OXR1: variants seen among roughly 807,000 people sequenced by gnomAD.
The protein encoded by OXR1 is oxidation resistance protein 1.
Under a neutral mutation model 104.6 loss-of-function variants are expected in OXR1, and 41 were observed. That is an observed-to-expected ratio of 0.39 (90% CI 0.31 to 0.51). The LOEUF is 0.51. Among genes scored for constraint, OXR1 ranks in the 20% least tolerant of loss-of-function variants. The pLI is 0.77. For missense variants in OXR1, 955 were observed against 1,031.9 expected, an observed-to-expected ratio of 0.93 and a Z score of 1.02; for synonymous variants, 348 against 348.4, an observed-to-expected ratio of 1.00 and a Z score of 0.01.
intron 6 of OXR1, among the ~76,000 whole-genome samples, chr8:106,690,045 A>G (rs1240126317): frequency 6.6e-6 from 1 of 150,914 alleles, no homozygotes. Flanking sequence ...AAAGACACTA[A>G]TATCTATCAT....
chr8:106,342,562 T>C (rs1281684452), intron 1 of OXR1, among the ~76,000 whole-genome samples: 1 of 152,024 alleles, frequency 6.6e-6, no homozygotes, highest in Non-Finnish European at 1.5e-5. Context: ...GCCTCTCTTT[T>C]CATCTTTTAT....
At chr8:106,366,478 A>G (rs1816473717) in intron 2 of OXR1, among the ~76,000 whole-genome samples, 1 of 152,228 alleles carries the variant, frequency 6.6e-6, no homozygotes, top group Middle Eastern at 3.2e-3. Flanking sequence ...AGGCTAAGAG[A>G]TGTTACTTTC....
intron 1 of OXR1, among the ~76,000 whole-genome samples, chr8:106,346,663 A>C (rs1397327034): frequency 6.6e-6 from 1 of 151,740 alleles, no homozygotes; most frequent in Non-Finnish European, 1.5e-5. Flanking sequence ...TGGCAACATC[A>C]TTTCTCCAAG....
rs574650230 is a variant in OXR1 at position 106,431,546 on chromosome 8, G to T, written c.23+71910G>T. The stretch of plus-strand genomic sequence containing the variant: ...GAATTTAAAATAACTCTGCCATCAT[G>T]CTTCATTTTTCTTCATATCTCCTAA... On this transcript the variant is annotated intron_variant, in intron 2 of 16. Coordinates refer to ENST00000517566, the MANE Select transcript of OXR1 (RefSeq NM_001198533.2). Among the ~76,000 whole-genome samples the T allele has an allele frequency of 1.4e-3, 213 of 152,258 alleles. 1 individual carries two copies. Among genetic ancestry groups the T allele is most frequent in the African/African-American group, 4.8e-3 (200 of 41,552 alleles).
intron 2 of OXR1, among the ~76,000 whole-genome samples, chr8:106,512,283 A>C (rs2130049617): frequency 6.6e-6 from 1 of 152,296 alleles, no homozygotes; most frequent in Non-Finnish European, 1.5e-5. Flanking sequence ...CTATTCTGTT[A>C]TTCTCAATGT....
rs1244587175 is a variant in OXR1 at position 106,706,943 on chromosome 8, A to G, written c.1422A>G (p.Ala474=). ...QKENMPCGET[A]EFKQKQSVNK... ...AAAATATGCCTTGTGGGGAAACAGC[A>G]GAATTTAAACAAAAGCAAAGTGTTA... The change falls in exon 9 of 17, where the codon GCA becomes GCG. Residue 474 remains alanine, a synonymous_variant. Coordinates refer to ENST00000517566, the MANE Select transcript of OXR1 (RefSeq NM_001198533.2). 6.2e-7 allele frequency: 1 copy of G among 1,613,476 alleles called. No homozygotes were observed.
chr8:106,638,217 C>A (rs767732081), intron 3 of OXR1, among the ~76,000 whole-genome samples: 1 of 152,148 alleles, frequency 6.6e-6, no homozygotes, highest in Non-Finnish European at 1.5e-5. Flanking sequence ...TGAATCCCAC[C>A]ATCCCTATAT....
intron 15 of OXR1, among the ~76,000 whole-genome samples, chr8:106,742,864 A>T (rs758222847): frequency 6.6e-6 from 1 of 152,202 alleles, no homozygotes; most frequent in Non-Finnish European, 1.5e-5. Context: ...AATCTAGGCA[A>T]TACCATTTAG....
At chr8:106,710,413 C>T (rs1831575769) in intron 9 of OXR1, among the ~76,000 whole-genome samples, 1 of 151,932 alleles carries the variant, frequency 6.6e-6, no homozygotes, top group Non-Finnish European at 1.5e-5. Flanking sequence ...TATTCATTAA[C>T]TTGGCTCTTT....
At chr8:106,384,674 G>C (rs16874484) in intron 2 of OXR1, among the ~76,000 whole-genome samples, 15,172 of 151,602 alleles carry the variant, frequency 0.1, 836 homozygotes, top group Middle Eastern at 0.15. Flanking sequence ...AGGTACTAAG[G>C]ATTGTCAAAA....
intron 2 of OXR1, among the ~76,000 whole-genome samples, chr8:106,397,189 A>C (rs1563753758): frequency 6.6e-6 from 1 of 152,050 alleles, no homozygotes. Flanking sequence ...GCACCATTTA[A>C]GTTTTGGTAC....
chr8:106,501,636 A>G (rs1359708499), intron 2 of OXR1, among the ~76,000 whole-genome samples: 2 of 152,208 alleles, frequency 1.3e-5, no homozygotes, highest in Non-Finnish European at 2.9e-5. Context: ...GAGTCTCCCA[A>G]TGATCCTTGT....
At chr8:106,651,648 T>G (rs2131014608) in intron 3 of OXR1, among the ~76,000 whole-genome samples, 1 of 152,200 alleles carries the variant, frequency 6.6e-6, no homozygotes, top group East Asian at 1.9e-4. Flanking sequence ...AGTACTACGG[T>G]TTTTGATTAC....
chr8:106,440,546 C>G (rs1197542864), intron 2 of OXR1, among the ~76,000 whole-genome samples: 2 of 152,032 alleles, frequency 1.3e-5, no homozygotes, highest in Non-Finnish European at 2.9e-5. Context: ...TCCAACTCAT[C>G]AAAATTTCAT....
At chr8:106,326,695 C>T (rs905678911) in intron 1 of OXR1, among the ~76,000 whole-genome samples, 1 of 152,080 alleles carries the variant, frequency 6.6e-6, no homozygotes, top group Non-Finnish European at 1.5e-5. Context: ...GAGGGACCAG[C>T]CAGTGCAAGG....
At chr8:106,569,825 T>C (rs1817345717) in intron 3 of OXR1, among the ~76,000 whole-genome samples, 1 of 152,224 alleles carries the variant, frequency 6.6e-6, no homozygotes, top group Admixed American at 6.5e-5. Context: ...ATGAAATCCA[T>C]AAAAACCCTT....
chr8:106,295,175 G>T (rs1244640144), intron 1 of OXR1, among the ~76,000 whole-genome samples: 1 of 152,118 alleles, frequency 6.6e-6, no homozygotes. Context: ...TAACTTTGGG[G>T]TAACTACCAA....
At chr8:106,698,057 G>T in intron 7 of OXR1, 3 of 1,391,038 alleles carry the variant, frequency 2.2e-6, no homozygotes, top group South Asian at 1.2e-5. Flanking sequence ...AAACGGGCTG[G>T]AGAGCGGCAC....
In OXR1 at chr8:106,673,194, T is replaced by A. The variant is rs560345230; in HGVS notation, c.221-6016T>A. On this transcript the variant is annotated intron_variant, in intron 3 of 16. Transcript: ENST00000517566. ...GCTTTGACCAAAATGCTGATAGTGA[T>A]AATGGTAAATGAAGTCCAGGCTGAG... 3.8e-4 allele frequency among the ~76,000 whole-genome samples: 58 copies of A among 152,268 alleles called. 1 individual carries two copies. Among genetic ancestry groups the A allele is most frequent in the Admixed American group, 1.8e-3 (27 of 15,288 alleles).
Sources: allele counts gnomAD v4.1 joint callset (sites outside exome capture counted in the v4.1 genomes callset), GRCh38; gene constraint gnomAD v4.1.1; transcripts MANE v1.5; gene names NCBI Gene and HGNC (gene_info 2026-07-23, HGNC 2026-07-21).